Variants in LANCL1 observed in about 807,000 individuals in gnomAD.
LANCL1 encodes the protein LanC like glutathione S-transferase 1.
In LANCL1, 50 loss-of-function variants were observed where a neutral mutation model predicts 50.6. The ratio of observed to expected loss-of-function variants is 0.99; its 90% CI spans 0.79 to 1.25. LANCL1 has a LOEUF of 1.25. Ranked by LOEUF, LANCL1 falls within the 50% of genes most tolerant of loss-of-function variation. The pLI is 0.00. For missense variants in LANCL1, 532 were observed against 480.7 expected, an observed-to-expected ratio of 1.11 and a Z score of -1.00; for synonymous variants, 188 against 178.6, an observed-to-expected ratio of 1.05 and a Z score of -0.42.
rs927600458 is a variant in LANCL1 at position 210,431,692 on chromosome 2, C to A, written c.*2795G>T. 1.3e-5 allele frequency: 2 copies of A among 151,922 alleles called. No homozygotes were observed. The highest frequency in any genetic ancestry group is 4.8e-5 in the African/African-American group (2 of 41,392). The allele number at this position is 151,922 out of a possible 1,614,324, so 9.4% of individuals were successfully genotyped here. On this transcript the variant is annotated 3_prime_UTR_variant, in exon 10 of 10. Coordinates refer to ENST00000450366, the MANE Select transcript of LANCL1 (RefSeq NM_006055.3). ...AGGAAATGTTAATAAAGAAAGTAAC[C>A]CTAGATCCACTTTTACCTAAAACTC...
chr2:210,455,832 A>C (rs1693659480), intron 3 of LANCL1, among the ~76,000 whole-genome samples: 1 of 148,228 alleles, frequency 6.7e-6, no homozygotes, highest in South Asian at 2.1e-4. Context: ...TTTTTTGTGA[A>C]AAGGTAGTTA....
At chr2:210,464,351 A>G (rs1693969492) in intron 3 of LANCL1, among the ~76,000 whole-genome samples, 2 of 152,184 alleles carry the variant, frequency 1.3e-5, no homozygotes, top group African/African-American at 2.4e-5. Context: ...ATTAGTTTTA[A>G]TTTTTGTTGA....
intron 4 of LANCL1, among the ~76,000 whole-genome samples, chr2:210,451,254 T>G (rs1693502821): frequency 6.6e-6 from 1 of 151,346 alleles, no homozygotes; most frequent in Non-Finnish European, 1.5e-5. Flanking sequence ...CCACATGTAC[T>G]CACTCATTAA....
At chr2:210,465,636 A>G (rs1401567279) in intron 3 of LANCL1, among the ~76,000 whole-genome samples, 1 of 152,226 alleles carries the variant, frequency 6.6e-6, no homozygotes, top group African/African-American at 2.4e-5. Flanking sequence ...CGTGAAGTCA[A>G]TATACGGCAA....
chr2:210,466,320 C>T (rs1277435390), intron 3 of LANCL1, among the ~76,000 whole-genome samples: 8 of 152,142 alleles, frequency 5.3e-5, no homozygotes, highest in Non-Finnish European at 1.0e-4. Context: ...TAGTACTTTA[C>T]GGAACGGATT....
chr2:210,452,477 G>A (rs1005601561), intron 4 of LANCL1, among the ~76,000 whole-genome samples: 2 of 152,092 alleles, frequency 1.3e-5, no homozygotes, highest in Non-Finnish European at 2.9e-5. Flanking sequence ...ACAAATTAAT[G>A]CAATGTATTG....
chr2:210,433,568 T>C lies in LANCL1; in HGVS notation c.*919A>G, dbSNP rs567281214. 2.9e-4 allele frequency: 44 copies of C among 152,274 alleles called. No homozygotes were observed. Among genetic ancestry groups the C allele is most frequent in the South Asian group, 8.3e-4 (4 of 4,824 alleles). The allele number at this position is 152,274 out of a possible 1,614,324, so 9.4% of individuals were successfully genotyped here. A position where few individuals can be genotyped will look rare whatever the true frequency, so the allele number is the denominator to read the frequency against. ...ATACCAAAGAGTCAGCACTAATGCA[T>C]AGTCACTGTAAAAACCCAAGTTAAA... On this transcript the variant is annotated 3_prime_UTR_variant, in exon 10 of 10. Coordinates refer to ENST00000450366, the MANE Select transcript of LANCL1 (RefSeq NM_006055.3).
chr2:210,436,288 T>G lies in LANCL1; in HGVS notation c.978A>C (p.Ala326=). ...KKGYGLCHGS[A]GNAYAFLTLY... Reference sequence around the variant, plus strand: ...GTGTCAGGAAGGCATAGGCATTCCCTGCAGAACCGTGGCACAGCCCATATC... The same window carrying G: ...GTGTCAGGAAGGCATAGGCATTCCCGGCAGAACCGTGGCACAGCCCATATC... Residue 326 remains alanine, a synonymous_variant, in exon 8 of 10, where the codon GCA becomes GCC. Transcript: ENST00000450366. The G allele has an allele frequency of 6.2e-7, 1 of 1,614,066 alleles. No individual in the cohort carries two copies. Among genetic ancestry groups the G allele is most frequent in the East Asian group, 2.2e-5 (1 of 44,866 alleles).
chr2:210,467,246 C>T (rs187958512), intron 3 of LANCL1, among the ~76,000 whole-genome samples: 38 of 152,260 alleles, frequency 2.5e-4, no homozygotes, highest in Middle Eastern at 3.4e-3. Context: ...GAATTGCCAA[C>T]GTACAGATAT....
At chr2:210,435,227 T>A (rs1692885572) in intron 9 of LANCL1, among the ~76,000 whole-genome samples, 160 bp downstream of exon 9, 1 of 152,198 alleles carries the variant, frequency 6.6e-6, no homozygotes, top group African/African-American at 2.4e-5. Flanking sequence ...TGGTATTACA[T>A]GTGCTAATTG....
intron 7 of LANCL1, among the ~76,000 whole-genome samples, chr2:210,436,625 G>A (rs1202971865): frequency 6.6e-6 from 1 of 152,142 alleles, no homozygotes; most frequent in Non-Finnish European, 1.5e-5. Context: ...TTCTGCACAT[G>A]TGTGTATGTT....
intron 3 of LANCL1, among the ~76,000 whole-genome samples, chr2:210,463,218 A>T (rs1023268700): frequency 2.0e-5 from 3 of 147,754 alleles, no homozygotes; most frequent in African/African-American, 4.9e-5. Flanking sequence ...TTATTTATTT[A>T]TTTTTTTTTT....
chr2:210,468,709 G>C (rs924819452), intron 3 of LANCL1: 2 of 152,184 alleles, frequency 1.3e-5, no homozygotes, highest in Non-Finnish European at 2.9e-5. Flanking sequence ...GTAATGACTG[G>C]ATCTTCAGCA....
intron 3 of LANCL1, among the ~76,000 whole-genome samples, chr2:210,465,194 T>A (rs926760567): frequency 6.6e-6 from 1 of 152,242 alleles, no homozygotes; most frequent in Non-Finnish European, 1.5e-5. Flanking sequence ...CTGCTTGAGA[T>A]CATTATCTCT....
chr2:210,450,405 A>C (rs1484508063), intron 4 of LANCL1, among the ~76,000 whole-genome samples: 1 of 152,222 alleles, frequency 6.6e-6, no homozygotes, highest in Non-Finnish European at 1.5e-5. Context: ...AAGACAACCT[A>C]GGCAATACCA....
intron 3 of LANCL1, among the ~76,000 whole-genome samples, chr2:210,458,405 T>G (rs1413762446): frequency 6.6e-6 from 1 of 152,178 alleles, no homozygotes; most frequent in Non-Finnish European, 1.5e-5. Context: ...TGCACCCATT[T>G]TAAGCGTGGG....
At chr2:210,472,100 A>G in intron 2 of LANCL1, 24 bp from the exon 3 acceptor site, 1 of 1,512,998 alleles carries the variant, frequency 6.6e-7, no homozygotes, top group Non-Finnish European at 9.2e-7. Context: ...GAAAACAAGT[A>G]TCAAAATAAT....
chr2:210,440,898 G>T (rs934842111), intron 5 of LANCL1, among the ~76,000 whole-genome samples, 154 bp from the exon 6 acceptor site: 3 of 152,220 alleles, frequency 2.0e-5, no homozygotes, highest in African/African-American at 7.2e-5. Flanking sequence ...CTCCATCAGA[G>T]AAGTGTGTGG....
intron 2 of LANCL1, among the ~76,000 whole-genome samples, chr2:210,474,911 T>C (rs1277984335): frequency 2.6e-5 from 4 of 152,140 alleles, no homozygotes; most frequent in African/African-American, 9.7e-5. Context: ...ACAAGACACA[T>C]ACTTCAGCTT....
Sources: allele counts gnomAD v4.1 joint callset (sites outside exome capture counted in the v4.1 genomes callset), GRCh38; gene constraint gnomAD v4.1.1; transcripts MANE v1.5; gene names NCBI Gene and HGNC (gene_info 2026-07-23, HGNC 2026-07-21).